Variants in MROH7 observed in about 807,000 individuals in gnomAD.
The protein encoded by MROH7 is maestro heat like repeat family member 7, also known as maestro heat-like repeat-containing protein family member 7.
MROH7 carries 113 observed loss-of-function variants against 129.2 expected under a neutral mutation model. The observed-to-expected ratio is 0.87, with a 90% CI of 0.75 to 1.02. MROH7 has a LOEUF of 1.02. Among genes scored for constraint, MROH7 ranks in the 50% least tolerant of loss-of-function variants. The pLI is 0.00. For synonymous variants in MROH7, 655 were observed against 667.9 expected (o/e 0.98, Z 0.30); for missense variants, 1,601 against 1,671.3 (o/e 0.96, Z 0.73).
At chr1:54,656,578 T>A (rs945343062) in intron 3 of MROH7, among the ~76,000 whole-genome samples, 5 of 150,400 alleles carry the variant, frequency 3.3e-5, no homozygotes, top group Non-Finnish European at 7.4e-5. Flanking sequence ...GTCCCAGCAC[T>A]TTGGGAAGCC....
chr1:54,677,397 TCAAAACAAACAAA>T (rs1028900697), intron 10 of MROH7, among the ~76,000 whole-genome samples: 2 of 151,990 alleles, frequency 1.3e-5, no homozygotes, highest in African/African-American at 4.8e-5. Flanking sequence ...AGGCTGTGTC[TCAAAACAAACAAA>T]CAAAACAAAA....
At chr1:54,699,939 G>T in intron 17 of MROH7, 1 of 593,302 alleles carries the variant, frequency 1.7e-6, no homozygotes. Context: ...CCCAGGAGAA[G>T]GGCATTTTGC....
Position 54,679,882 on chromosome 1 carries a change from G to A in MROH7, c.2227-9G>A, listed in dbSNP as rs905167207. The A allele has an allele frequency of 3.7e-6, 6 of 1,602,710 alleles. No individual in the cohort carries two copies. In the African/African-American group the frequency reaches 6.7e-5, roughly 18 times the overall value. ...CCCCTTGCTCATGGCTGCCCCGGCT[G>A]TGCCCCAGATCCCAGAAATCATGCA... is the stretch of plus-strand genomic sequence containing the variant. On this transcript the variant is annotated splice_polypyrimidine_tract_variant and intron_variant, in intron 12 of 23. Coordinates refer to ENST00000421030, the MANE Select transcript of MROH7 (RefSeq NM_001039464.4).
At chr1:54,647,104 T>A (rs1644478539) in intron 1 of MROH7, among the ~76,000 whole-genome samples, 1 of 152,214 alleles carries the variant, frequency 6.6e-6, no homozygotes, top group Admixed American at 6.5e-5. Context: ...TGGCTGACAG[T>A]GTCTTTTGAA....
intron 15 of MROH7, among the ~76,000 whole-genome samples, chr1:54,691,929 T>C (rs1410438022): frequency 2.5e-5 from 3 of 120,056 alleles, no homozygotes; most frequent in Non-Finnish European, 4.8e-5. Context: ...AGGCATACAG[T>C]AGGATGTCAG....
chr1:54,683,128 G>T (rs61768786), intron 14 of MROH7, among the ~76,000 whole-genome samples: 1 of 152,064 alleles, frequency 6.6e-6, no homozygotes, highest in Admixed American at 6.5e-5. Flanking sequence ...CTTGAGGCTA[G>T]GAGTTTGAGG....
intron 1 of MROH7, among the ~76,000 whole-genome samples, chr1:54,649,220 T>C (rs140595173): frequency 2.3e-3 from 349 of 152,336 alleles, no homozygotes; most frequent in Middle Eastern, 0.01. Flanking sequence ...GAAGGGTTAA[T>C]TGAGGTGGAG....
Position 54,656,691 on chromosome 1 carries a change from C to T in MROH7, c.1231+2534C>T, listed in dbSNP as rs114013596. Among the ~76,000 whole-genome samples the T allele has an allele frequency of 5.9e-3, 891 of 151,540 alleles. 9 individuals are homozygous for T. Among genetic ancestry groups the T allele is most frequent in the African/African-American group, 0.021 (851 of 41,310 alleles). ...TACAAAAATTAGCTGATGTGGTGGC[C>T]GGGGCCTGTAATCCCAGCTACTTAG... is the stretch of plus-strand genomic sequence containing the variant. On this transcript the variant is annotated intron_variant, in intron 3 of 23. Transcript: ENST00000421030.
chr1:54,667,148 C>T lies in MROH7; in HGVS notation c.1306-1706C>T, dbSNP rs553994858. ...TTCTAGTTTGGGGAGACACACAGGCCTTCCCCCTAGTTCTTTGCATAGCTA... is the reference window on the plus strand; with the variant it reads ...TTCTAGTTTGGGGAGACACACAGGCTTTCCCCCTAGTTCTTTGCATAGCTA... On this transcript the variant is annotated intron_variant, in intron 4 of 23. Coordinates refer to ENST00000421030, the MANE Select transcript of MROH7 (RefSeq NM_001039464.4). 2.0e-5 allele frequency among the ~76,000 whole-genome samples: 3 copies of T among 152,344 alleles called. 1 individual carries two copies. In the South Asian group the frequency reaches 6.2e-4, roughly 32 times the overall value.
At chr1:54,660,173 C>T (rs1644710552) in intron 3 of MROH7, among the ~76,000 whole-genome samples, 1 of 152,180 alleles carries the variant, frequency 6.6e-6, no homozygotes, top group Non-Finnish European at 1.5e-5. Context: ...GTTCTAGAAA[C>T]TGGAAGTCCA....
At chr1:54,694,290 C>A (rs1645286496) in intron 16 of MROH7, among the ~76,000 whole-genome samples, 1 of 152,246 alleles carries the variant, frequency 6.6e-6, no homozygotes, top group Admixed American at 6.5e-5. Flanking sequence ...GGATTTGAAC[C>A]CAGCTGTCTC....
intron 9 of MROH7, 73 bp from the exon 10 acceptor site, chr1:54,673,943 C>T: frequency 6.4e-7 from 1 of 1,570,574 alleles, no homozygotes; most frequent in South Asian, 1.1e-5. Context: ...AGACTATCCA[C>T]CGGTGTTCAC....
At chr1:54,673,880 C>A in intron 9 of MROH7, 75 bp downstream of exon 9, 1 of 1,512,762 alleles carries the variant, frequency 6.6e-7, no homozygotes, top group Non-Finnish European at 9.2e-7. Flanking sequence ...TACCTCTGTT[C>A]AGGGATTCCC....
chr1:54,663,911 T>A, intron 3 of MROH7: 1 of 359,916 alleles, frequency 2.8e-6, no homozygotes, highest in Non-Finnish European at 5.4e-6. Flanking sequence ...TACTTCTCCA[T>A]CCTCCAGCGT....
intron 17 of MROH7, chr1:54,699,106 CTT>C (rs1645373946): frequency 1.6e-5 from 1 of 62,042 alleles, no homozygotes; most frequent in African/African-American, 5.6e-5. Flanking sequence ...TTCTTTCTTT[CTT>C]TCTTTCTTTC....
At chr1:54,660,674 A>T (rs995886508) in intron 3 of MROH7, among the ~76,000 whole-genome samples, 2 of 151,968 alleles carry the variant, frequency 1.3e-5, no homozygotes, top group Non-Finnish European at 2.9e-5. Flanking sequence ...AATTAGCCAG[A>T]CATGGTGGCA....
chr1:54,678,793 A>G lies in MROH7; in HGVS notation c.1988A>G (p.Lys663Arg), dbSNP rs75269200. 0.013 allele frequency: 20,707 copies of G among 1,614,080 alleles called. 703 individuals are homozygous for G. The highest frequency in any genetic ancestry group is 0.09 in the African/African-American group (6,770 of 74,994). Residue 663 changes from lysine (K) to arginine (R), a missense_variant, in exon 11 of 24, where the codon AAG becomes AGG. Lys to Arg is a conservative substitution (Grantham distance 26). Transcript: ENST00000421030. ...TNKKELYESNKHFLGPYNPVS... is the reference protein window; with the variant it reads ...TNKKELYESNRHFLGPYNPVS... ...AAAAAGGAGCTATATGAGAGCAACA[A>G]GCATTTCCTGGGGCCCTACAACCCT...
intron 1 of MROH7, among the ~76,000 whole-genome samples, chr1:54,642,925 A>G (rs1488175067): frequency 6.6e-6 from 1 of 152,248 alleles, no homozygotes; most frequent in Non-Finnish European, 1.5e-5. Context: ...AGAAATAACT[A>G]GATTCCTGCA....
At chr1:54,699,151 TTTCTTTCTTTTCTTTC>T (rs1443103909) in intron 17 of MROH7, 1 of 71,066 alleles carries the variant, frequency 1.4e-5, no homozygotes, top group East Asian at 3.3e-4. Context: ...TCTTTCTTTC[TTTCTTTCTTTTCTTTC>T]TTTCTTTCTT....
Sources: allele counts gnomAD v4.1 joint callset (sites outside exome capture counted in the v4.1 genomes callset), GRCh38; gene constraint gnomAD v4.1.1; transcripts MANE v1.5; gene names NCBI Gene and HGNC (gene_info 2026-07-23, HGNC 2026-07-21).